LRRC8D: variants seen among roughly 807,000 people sequenced by gnomAD.
The protein encoded by LRRC8D is leucine rich repeat containing 8 VRAC subunit D.
In LRRC8D, 20 loss-of-function variants were observed where a neutral mutation model predicts 55.8. That is an observed-to-expected ratio of 0.36 (90% CI 0.25 to 0.52). The LOEUF (loss-of-function observed/expected upper bound fraction) is 0.52, where lower values mean the gene tolerates loss of function less well. Among genes scored for constraint, LRRC8D ranks in the 20% least tolerant of loss-of-function variants. LRRC8D has a pLI of 0.93. For missense variants in LRRC8D, 651 were observed against 1,030.8 expected (o/e 0.63, Z 5.05); for synonymous variants, 352 against 377.0 (o/e 0.93, Z 0.77).
At chr1:89,903,734 G>A (rs1662921117) in intron 2 of LRRC8D, among the ~76,000 whole-genome samples, 1 of 152,082 alleles carries the variant, frequency 6.6e-6, no homozygotes, top group Admixed American at 6.5e-5. Flanking sequence ...CTACTTTTGG[G>A]GTGTTTGCTG....
In LRRC8D at chr1:89,935,914, G is replaced by T; in HGVS notation, c.*269G>T. 1 of 314,218 alleles carries T rather than the reference G, an allele frequency of 3.2e-6. No individual in the cohort carries two copies. 19.5% of individuals were successfully genotyped at this position (314,218 alleles called of 1,614,324 possible). A position where few individuals can be genotyped will look rare whatever the true frequency, so the allele number is the denominator to read the frequency against. Reference sequence around the variant, plus strand: ...CACTAATCTTGGTTCTTTTTAAATTGTTTGTAACTTGGATGCTGCCGCTAC... The same window carrying T: ...CACTAATCTTGGTTCTTTTTAAATTTTTTGTAACTTGGATGCTGCCGCTAC... On this transcript the variant is annotated 3_prime_UTR_variant, in exon 3 of 3. Coordinates refer to ENST00000337338, the MANE Select transcript of LRRC8D (RefSeq NM_001134479.2).
chr1:89,873,439 G>T (rs1411399638), intron 2 of LRRC8D, among the ~76,000 whole-genome samples: 1 of 152,096 alleles, frequency 6.6e-6, no homozygotes, highest in East Asian at 1.9e-4. Context: ...AAACACAAAA[G>T]CCAGCTGGAG....
chr1:89,867,277 G>A (rs978059370), intron 2 of LRRC8D, among the ~76,000 whole-genome samples: 1 of 152,150 alleles, frequency 6.6e-6, no homozygotes, highest in Non-Finnish European at 1.5e-5. Flanking sequence ...CATAAATTAT[G>A]TAGTCACTTT....
intron 2 of LRRC8D, among the ~76,000 whole-genome samples, chr1:89,851,141 G>A (rs1213693336): frequency 6.7e-6 from 1 of 150,146 alleles, no homozygotes. Flanking sequence ...GGTCATCTGT[G>A]TAGGGCAGTG....
chr1:89,902,558 A>T, intron 2 of LRRC8D, among the ~76,000 whole-genome samples: 1 of 148,170 alleles, frequency 6.7e-6, no homozygotes, highest in Non-Finnish European at 1.5e-5. Flanking sequence ...TTTTTTTGAG[A>T]CTGAGTCTCG....
chr1:89,846,030 C>T (rs947519308), intron 2 of LRRC8D, among the ~76,000 whole-genome samples: 12 of 152,264 alleles, frequency 7.9e-5, no homozygotes, highest in African/African-American at 2.4e-4. Flanking sequence ...CCACCCGCCT[C>T]GGCCTCCCAA....
intron 2 of LRRC8D, among the ~76,000 whole-genome samples, chr1:89,872,920 T>C (rs1662057576): frequency 6.6e-6 from 1 of 152,232 alleles, no homozygotes; most frequent in South Asian, 2.1e-4. Flanking sequence ...ATAGGATTAA[T>C]GTAGAGTTGA....
At chr1:89,837,651 A>G (rs187082817) in intron 1 of LRRC8D, among the ~76,000 whole-genome samples, 1 of 152,374 alleles carries the variant, frequency 6.6e-6, no homozygotes, top group East Asian at 1.9e-4. Context: ...GTCAGGAATC[A>G]TTGAAGTGTT....
intron 1 of LRRC8D, among the ~76,000 whole-genome samples, chr1:89,829,528 T>C (rs1455719262): frequency 6.6e-6 from 1 of 152,242 alleles, no homozygotes; most frequent in Admixed American, 6.5e-5. Context: ...TATTCTCTTA[T>C]CTACTGTACC....
In LRRC8D at chr1:89,870,583, A is replaced by G. The variant is rs142101287; in HGVS notation, c.-3+26801A>G. ...TGTGTACTTTTACTACAGATTTCCT[A>G]TATTTTTGCAAAATTTTCTCTTAAG... On this transcript the variant is annotated intron_variant, in intron 2 of 2. Coordinates refer to ENST00000337338, the MANE Select transcript of LRRC8D (RefSeq NM_001134479.2). 2.4e-4 allele frequency among the ~76,000 whole-genome samples: 37 copies of G among 152,278 alleles called. No homozygotes were observed. In the East Asian group the frequency reaches 3.9e-3, roughly 16 times the overall value.
chr1:89,876,065 C>A (rs1043040648), intron 2 of LRRC8D, among the ~76,000 whole-genome samples: 3 of 152,092 alleles, frequency 2.0e-5, no homozygotes, highest in Non-Finnish European at 2.9e-5. Flanking sequence ...CCTCTACCTC[C>A]CAGGCCAGGC....
chr1:89,852,495 C>G (rs1557450851), intron 2 of LRRC8D, among the ~76,000 whole-genome samples: 1 of 152,130 alleles, frequency 6.6e-6, no homozygotes, highest in Non-Finnish European at 1.5e-5. Context: ...CTCCTGTGTA[C>G]TGGTCATTTT....
intron 2 of LRRC8D, among the ~76,000 whole-genome samples, chr1:89,856,642 C>A (rs1448539725): frequency 6.6e-6 from 1 of 152,188 alleles, no homozygotes; most frequent in Non-Finnish European, 1.5e-5. Context: ...ATCTTAGCTT[C>A]CTTTTCAAAT....
At chr1:89,857,016 C>CA (rs930317141) in intron 2 of LRRC8D, among the ~76,000 whole-genome samples, 9 of 151,874 alleles carry the variant, frequency 5.9e-5, no homozygotes, top group African/African-American at 9.7e-5. Flanking sequence ...TTTCTTAAAA[C>CA]AAAAAAATAC....
chr1:89,894,099 T>C (rs1351246529), intron 2 of LRRC8D, among the ~76,000 whole-genome samples: 1 of 152,200 alleles, frequency 6.6e-6, no homozygotes, highest in African/African-American at 2.4e-5. Flanking sequence ...ATGGGATTCA[T>C]GCTGTTATAA....
intron 1 of LRRC8D, among the ~76,000 whole-genome samples, chr1:89,824,695 A>G (rs1293898749): frequency 6.6e-6 from 1 of 152,132 alleles, no homozygotes; most frequent in Non-Finnish European, 1.5e-5. Context: ...TGACTTTGCT[A>G]ATGCAAACTA....
intron 2 of LRRC8D, among the ~76,000 whole-genome samples, chr1:89,859,867 G>A (rs530281225): frequency 6.6e-6 from 1 of 152,310 alleles, no homozygotes; most frequent in African/African-American, 2.4e-5. Context: ...CTTCCAAGAG[G>A]TGGTTGTAAA....
chr1:89,903,398 A>G (rs759765109), intron 2 of LRRC8D, among the ~76,000 whole-genome samples: 17 of 152,150 alleles, frequency 1.1e-4, no homozygotes, highest in Non-Finnish European at 7.4e-5. Context: ...CATCTTTTCA[A>G]TTCTCTTCAT....
At chr1:89,845,409 C>A (rs528975687) in intron 2 of LRRC8D, among the ~76,000 whole-genome samples, 4 of 152,146 alleles carry the variant, frequency 2.6e-5, no homozygotes, top group African/African-American at 7.2e-5. Flanking sequence ...TTGCCAAATA[C>A]GTCATGAAAA....
Sources: allele counts gnomAD v4.1 joint callset (sites outside exome capture counted in the v4.1 genomes callset), GRCh38; gene constraint gnomAD v4.1.1; transcripts MANE v1.5; gene names NCBI Gene and HGNC (gene_info 2026-07-23, HGNC 2026-07-21).